The following RAB38 variants were observed in gnomAD, a reference collection of about 807,000 sequenced individuals.
RAB38 encodes the protein ras-related protein Rab-38.
Under a neutral mutation model 18.4 loss-of-function variants are expected in RAB38, and 15 were observed. That is an observed-to-expected ratio of 0.82 (90% CI 0.55 to 1.26). RAB38 has a LOEUF of 1.26. RAB38 is among the 50% of genes most tolerant of loss of function. RAB38 has a pLI of 0.00. For synonymous variants in RAB38, 101 were observed against 104.4 expected (o/e 0.97, Z 0.20); for missense variants, 294 against 267.4 (o/e 1.10, Z -0.69).
the RAB38 span, among the ~76,000 whole-genome samples, chr11:87,934,292 C>A: frequency 6.6e-6 from 1 of 152,092 alleles, no homozygotes; most frequent in Non-Finnish European, 1.5e-5. Flanking sequence ...ATTTAAGACA[C>A]AATTGAAGTT....
At chr11:87,927,701 CTTG>C in the RAB38 span, among the ~76,000 whole-genome samples, 4 of 151,946 alleles carry the variant, frequency 2.6e-5, no homozygotes, top group Admixed American at 1.3e-4. Context: ...CTGCCTCTCA[CTTG>C]TTGTCAGCCT....
chr11:87,813,166 A>G, the RAB38 span, among the ~76,000 whole-genome samples: 1 of 152,170 alleles, frequency 6.6e-6, no homozygotes, highest in African/African-American at 2.4e-5. Flanking sequence ...GGTATTTTAT[A>G]TCCTTCAGTC....
the RAB38 span, among the ~76,000 whole-genome samples, chr11:87,936,702 A>G: frequency 1.3e-5 from 2 of 152,152 alleles, no homozygotes; most frequent in African/African-American, 2.4e-5. Flanking sequence ...AGTTTTGTCT[A>G]TAACCACAAA....
At chr11:87,899,607 C>T in the RAB38 span, among the ~76,000 whole-genome samples, 8,967 of 151,554 alleles carry the variant, frequency 0.059, 352 homozygotes, top group Non-Finnish European at 0.086. Flanking sequence ...AGGGAAGGGG[C>T]ACCATTATTC....
chr11:87,868,915 T>C, the RAB38 span, among the ~76,000 whole-genome samples: 1 of 151,660 alleles, frequency 6.6e-6, no homozygotes, highest in African/African-American at 2.4e-5. Context: ...AATGTCTAAC[T>C]GCCTAGATGG....
At chr11:88,030,675 C>G in the RAB38 span, among the ~76,000 whole-genome samples, 1 of 152,142 alleles carries the variant, frequency 6.6e-6, no homozygotes, top group East Asian at 1.9e-4. Context: ...AAGTCTAAAC[C>G]AGGAAGAAGT....
chr11:87,963,164 T>C, the RAB38 span, among the ~76,000 whole-genome samples: 4 of 152,306 alleles, frequency 2.6e-5, no homozygotes, highest in South Asian at 8.3e-4. Flanking sequence ...ATTAATTCTC[T>C]GAATTTTCTA....
At chr11:88,030,667 G>C in the RAB38 span, among the ~76,000 whole-genome samples, 1 of 152,130 alleles carries the variant, frequency 6.6e-6, no homozygotes, top group African/African-American at 2.4e-5. Flanking sequence ...ACTCTCCCAA[G>C]TCTAAACCAG....
the RAB38 span, among the ~76,000 whole-genome samples, chr11:87,946,557 C>A: frequency 6.6e-6 from 1 of 151,556 alleles, no homozygotes; most frequent in Non-Finnish European, 1.5e-5. Context: ...CACCCCACAA[C>A]AGTCCCCGGT....
At chr11:88,005,999 C>T in the RAB38 span, among the ~76,000 whole-genome samples, 1 of 151,284 alleles carries the variant, frequency 6.6e-6, no homozygotes, top group Non-Finnish European at 1.5e-5. Context: ...TTAGAGACAA[C>T]TGACAGAATA....
At chr11:87,847,243 A>G in the RAB38 span, among the ~76,000 whole-genome samples, 1 of 152,030 alleles carries the variant, frequency 6.6e-6, no homozygotes, top group East Asian at 1.9e-4. Context: ...AAATTGGCAA[A>G]CCTATGGCTA....
the RAB38 span, among the ~76,000 whole-genome samples, chr11:87,894,879 A>G: frequency 2.1e-4 from 32 of 151,550 alleles, no homozygotes; most frequent in Non-Finnish European, 4.3e-4. Flanking sequence ...GGGAACTAGA[A>G]CTACAGATAT....
chr11:87,854,010 G>T, the RAB38 span, among the ~76,000 whole-genome samples: 2 of 152,116 alleles, frequency 1.3e-5, no homozygotes, highest in African/African-American at 2.4e-5. Flanking sequence ...GCAATGACAG[G>T]TCTCGTTCTT....
intron 2 of RAB38, among the ~76,000 whole-genome samples, chr11:88,136,201 A>T: frequency 6.6e-6 from 1 of 152,184 alleles, no homozygotes. Context: ...GCTACAGAGG[A>T]GCTGCTGCTG....
intron 1 of RAB38, among the ~76,000 whole-genome samples, chr11:88,170,715 T>C (rs184104546): frequency 6.6e-6 from 1 of 152,220 alleles, no homozygotes; most frequent in Non-Finnish European, 1.5e-5. Context: ...GGAAATATTT[T>C]TCTTATAGGG....
chr11:88,029,824 G>C, the RAB38 span, among the ~76,000 whole-genome samples: 1 of 152,100 alleles, frequency 6.6e-6, no homozygotes. Flanking sequence ...AGATCAACGA[G>C]ACAGAAAGTC....
At chr11:88,028,741 A>ATT in the RAB38 span, among the ~76,000 whole-genome samples, 1 of 152,330 alleles carries the variant, frequency 6.6e-6, no homozygotes, top group East Asian at 1.9e-4. Flanking sequence ...AAAAGACCAA[A>ATT]TCTACGTCTG....
the RAB38 span, among the ~76,000 whole-genome samples, chr11:87,806,637 T>G: frequency 6.6e-6 from 1 of 152,212 alleles, no homozygotes; most frequent in African/African-American, 2.4e-5. Context: ...ATTCTTAATT[T>G]TTTTATTTGT....
At chr11:88,017,725 T>A in the RAB38 span, among the ~76,000 whole-genome samples, 1 of 136,090 alleles carries the variant, frequency 7.3e-6, no homozygotes, top group Admixed American at 7.1e-5. Context: ...TAATATATAT[T>A]ATATATATAT....
Sources: allele counts gnomAD v4.1 joint callset (sites outside exome capture counted in the v4.1 genomes callset), GRCh38; gene constraint gnomAD v4.1.1; transcripts MANE v1.5; gene names NCBI Gene and HGNC (gene_info 2026-07-23, HGNC 2026-07-21).